The following TNKS2 variants were observed in gnomAD, a reference collection of about 807,000 sequenced individuals.
TNKS2 encodes poly [ADP-ribose] polymerase tankyrase-2.
TNKS2 carries 72 observed loss-of-function variants against 137.6 expected under a neutral mutation model. The observed-to-expected ratio is 0.52, with a 90% CI of 0.43 to 0.64. TNKS2 has a LOEUF of 0.64. Ranked by LOEUF, TNKS2 falls within the 30% of genes least tolerant of loss-of-function variation. TNKS2 has a pLI of 0.00. For synonymous variants in TNKS2, 516 were observed against 512.1 expected, an observed-to-expected ratio of 1.01 and a Z score of -0.10; for missense variants, 1,049 against 1,410.2, an observed-to-expected ratio of 0.74 and a Z score of 4.10.
intron 21 of TNKS2, among the ~76,000 whole-genome samples, chr10:91,853,734 G>T (rs1842623006): frequency 6.6e-6 from 1 of 152,186 alleles, no homozygotes; most frequent in African/African-American, 2.4e-5. Flanking sequence ...AATCCTTAAA[G>T]ATTATTGCAG....
rs374250917 is a variant in TNKS2 at position 91,842,410 on chromosome 10, A to G, written c.2059+19A>G. On this transcript the variant is annotated intron_variant, in intron 16 of 26. Coordinates refer to ENST00000371627, the MANE Select transcript of TNKS2 (RefSeq NM_025235.4). The stretch of plus-strand genomic sequence containing the variant: ...TTAGCAGGTAAGTGAATGAAGTTTC[A>G]CAGATTTAGGCTGGTAATATCTGAG... 3.1e-6 allele frequency: 5 copies of G among 1,605,206 alleles called. No individual in the cohort carries two copies. In the African/African-American group the frequency reaches 6.7e-5, roughly 21 times the overall value.
intron 2 of TNKS2, among the ~76,000 whole-genome samples, chr10:91,814,516 A>G (rs1031497381): frequency 1.3e-5 from 2 of 152,234 alleles, no homozygotes; most frequent in Non-Finnish European, 2.9e-5. Context: ...GTATTATAAT[A>G]TACTAGGCCT....
intron 12 of TNKS2, among the ~76,000 whole-genome samples, chr10:91,835,576 ACCATGCCCGGC>A (rs1426649369): frequency 1.5e-5 from 2 of 137,368 alleles, no homozygotes; most frequent in Non-Finnish European, 3.1e-5. Context: ...GGCATGAGCC[ACCATGCCCGGC>A]CTTTCTTTTT....
intron 1 of TNKS2, among the ~76,000 whole-genome samples, chr10:91,801,567 G>C (rs767155936): frequency 6.6e-6 from 1 of 151,720 alleles, no homozygotes; most frequent in Non-Finnish European, 1.5e-5. Context: ...CCCACCTTCC[G>C]GGTTCGACCG....
At chr10:91,836,746 A>C in intron 12 of TNKS2, 173 bp from the exon 13 acceptor site, 1 of 985,406 alleles carries the variant, frequency 1.0e-6, no homozygotes. Flanking sequence ...GAGTTTTAAG[A>C]GAATCTTATT....
intron 7 of TNKS2, among the ~76,000 whole-genome samples, chr10:91,823,942 T>A (rs1844988942): frequency 6.6e-6 from 1 of 152,210 alleles, no homozygotes; most frequent in South Asian, 2.1e-4. Context: ...TATACATTTG[T>A]AACAGTAATG....
intron 3 of TNKS2, among the ~76,000 whole-genome samples, chr10:91,817,484 A>G (rs545821724): frequency 2.0e-5 from 3 of 152,132 alleles, no homozygotes; most frequent in Non-Finnish European, 2.9e-5. Flanking sequence ...AGATAATTGT[A>G]TGTTGCTTTA....
chr10:91,802,836 TAAATC>T (rs913636833), intron 1 of TNKS2, among the ~76,000 whole-genome samples: 6 of 152,244 alleles, frequency 3.9e-5, no homozygotes, highest in African/African-American at 1.4e-4. Flanking sequence ...CTATGGGAGA[TAAATC>T]ATACATCAGC....
intron 13 of TNKS2, 116 bp from the exon 14 acceptor site, chr10:91,840,445 G>A: frequency 1.1e-6 from 1 of 905,672 alleles, no homozygotes; most frequent in Non-Finnish European, 1.7e-6. Flanking sequence ...TGAGAATACT[G>A]ATTTAATGAG....
chr10:91,812,780 T>G (rs1844550703), intron 1 of TNKS2: 1 of 985,302 alleles, frequency 1.0e-6, no homozygotes, highest in African/African-American at 1.7e-5. Flanking sequence ...TAGGTACCAC[T>G]GCTGCTTAGT....
chr10:91,839,128 C>T (rs1361543228), intron 13 of TNKS2, among the ~76,000 whole-genome samples: 2 of 151,724 alleles, frequency 1.3e-5, no homozygotes, highest in Admixed American at 6.6e-5. Flanking sequence ...GGCCTCCCAA[C>T]GTGCTGGGAT....
At chr10:91,829,593 A>G (rs1845173896) in intron 9 of TNKS2, among the ~76,000 whole-genome samples, 1 of 152,108 alleles carries the variant, frequency 6.6e-6, no homozygotes, top group African/African-American at 2.4e-5. Context: ...TCTTTAAAAA[A>G]CCATGTCTGG....
intron 1 of TNKS2, chr10:91,807,120 C>G: frequency 1.4e-6 from 2 of 1,469,634 alleles, no homozygotes; most frequent in Non-Finnish European, 1.9e-6. Context: ...CCAACACTTT[C>G]TCTAATTCAA....
intron 3 of TNKS2, 97 bp from the exon 4 acceptor site, chr10:91,819,173 A>G: frequency 1.4e-6 from 1 of 709,842 alleles, no homozygotes; most frequent in Non-Finnish European, 2.2e-6. Context: ...TTTGTTTCCA[A>G]ATTTATCTAC....
intron 9 of TNKS2, 75 bp from the exon 10 acceptor site, chr10:91,830,848 T>C: frequency 3.2e-6 from 4 of 1,239,588 alleles, no homozygotes; most frequent in Non-Finnish European, 4.5e-6. Context: ...TTGATTGTTC[T>C]TGATTGGAAA....
intron 12 of TNKS2, chr10:91,836,619 G>C: frequency 5.1e-6 from 5 of 985,112 alleles, no homozygotes; most frequent in Non-Finnish European, 6.0e-6. Context: ...CCAATGGCTT[G>C]CTTATAGAGC....
chr10:91,812,487 G>T (rs1282389747), intron 1 of TNKS2, among the ~76,000 whole-genome samples: 3 of 152,172 alleles, frequency 2.0e-5, no homozygotes, highest in Non-Finnish European at 4.4e-5. Flanking sequence ...AATATTAGCT[G>T]TGAGCAGATC....
chr10:91,819,263 T>C lies in TNKS2; in HGVS notation c.521-7T>C. The C allele has an allele frequency of 7.3e-7, 1 of 1,373,066 alleles. No individual in the cohort carries two copies. Among genetic ancestry groups the C allele is most frequent in the Non-Finnish European group, 9.7e-7 (1 of 1,033,972 alleles). The allele number at this position is 1,373,066 out of a possible 1,614,324, so 85.1% of individuals were successfully genotyped here. A position where few individuals can be genotyped will look rare whatever the true frequency, so the allele number is the denominator to read the frequency against. On this transcript the variant is annotated splice_region_variant and splice_polypyrimidine_tract_variant and intron_variant, in intron 3 of 26. Transcript: ENST00000371627. ...TTTCTATACTTTTTTTTTTTTCTAA[T>C]TCACAGGTGAATATAAGAAAGATGA...
intron 13 of TNKS2, among the ~76,000 whole-genome samples, chr10:91,838,945 G>A (rs2133649440): frequency 6.6e-6 from 1 of 152,198 alleles, no homozygotes; most frequent in East Asian, 1.9e-4. Flanking sequence ...TCGGCTCACA[G>A]CAACCTCCAC....
Sources: gnomAD v4.1 joint callset for allele counts (sites outside exome capture counted in the v4.1 genomes callset) on GRCh38, gnomAD v4.1.1 for gene constraint, MANE v1.5 for transcripts, NCBI Gene and HGNC (gene_info 2026-07-23, HGNC 2026-07-21) for gene names.